Variants in AOAH observed in about 807,000 individuals in gnomAD.
AOAH encodes the protein acyloxyacyl hydrolase.
A neutral mutation model predicts 92.2 loss-of-function variants in AOAH; 64 were observed. The observed-to-expected ratio is 0.69, with a 90% confidence interval of 0.57 to 0.86. The LOEUF is 0.86. Ranked by LOEUF, AOAH falls within the 40% of genes least tolerant of loss-of-function variation. The pLI is 0.00. For missense variants in AOAH, 656 were observed against 694.6 expected (o/e 0.94, Z 0.62); for synonymous variants, 263 against 254.5 (o/e 1.03, Z -0.32).
At chr7:36,526,505 G>T (rs1428481719) in intron 19 of AOAH, among the ~76,000 whole-genome samples, 1 of 152,182 alleles carries the variant, frequency 6.6e-6, no homozygotes, top group Non-Finnish European at 1.5e-5. Flanking sequence ...TTCCTTGATT[G>T]ATTTTAGAGT....
At chr7:36,653,144 C>T (rs531490121) in intron 4 of AOAH, among the ~76,000 whole-genome samples, 9 of 152,216 alleles carry the variant, frequency 5.9e-5, no homozygotes, top group African/African-American at 1.7e-4. Flanking sequence ...TTGGGGGAGA[C>T]TAGACAATAA....
At chr7:36,624,057 TAGGG>T in intron 6 of AOAH, among the ~76,000 whole-genome samples, 1 of 152,366 alleles carries the variant, frequency 6.6e-6, no homozygotes, top group East Asian at 1.9e-4. Context: ...TTCATTTACA[TAGGG>T]CATACCCCAA....
chr7:36,549,621 T>C, intron 13 of AOAH, 146 bp from the exon 14 acceptor site: 1 of 589,646 alleles, frequency 1.7e-6, no homozygotes, highest in Non-Finnish European at 3.0e-6. Context: ...TGGAAATAAT[T>C]TTCTTCCAAT....
At chr7:36,606,231 C>T (rs530298865) in intron 11 of AOAH, among the ~76,000 whole-genome samples, 80 of 152,190 alleles carry the variant, frequency 5.3e-4, no homozygotes, top group Non-Finnish European at 1.0e-3. Flanking sequence ...GGTGAGTGAG[C>T]GTAGGGTGAC....
intron 11 of AOAH, among the ~76,000 whole-genome samples, chr7:36,603,404 T>A (rs535150191): frequency 6.6e-6 from 1 of 152,192 alleles, no homozygotes; most frequent in South Asian, 2.1e-4. Flanking sequence ...CAGACAAGGG[T>A]TGGTTACATC....
At chr7:36,567,386 G>A (rs1158766768) in intron 13 of AOAH, among the ~76,000 whole-genome samples, 2 of 152,192 alleles carry the variant, frequency 1.3e-5, no homozygotes, top group African/African-American at 4.8e-5. Flanking sequence ...ACAAGCTAAA[G>A]GACCTTGGGC....
intron 13 of AOAH, among the ~76,000 whole-genome samples, chr7:36,571,310 G>A (rs1788134606): frequency 6.6e-6 from 1 of 152,090 alleles, no homozygotes; most frequent in Non-Finnish European, 1.5e-5. Flanking sequence ...CAAAGGGAGG[G>A]CATTTTTTGC....
chr7:36,615,970 G>A (rs1329500667), intron 11 of AOAH, among the ~76,000 whole-genome samples: 1 of 151,520 alleles, frequency 6.6e-6, no homozygotes, highest in Admixed American at 6.6e-5. Context: ...GATGCCTTCC[G>A]TGGAGCACAG....
Position 36,532,316 on chromosome 7 carries a change from C to A in AOAH, c.1335G>T (p.Ala445=). 1 of 1,614,048 alleles carries A rather than the reference C, an allele frequency of 6.2e-7. No individual in the cohort carries two copies. The change falls in exon 17 of 21, where the codon GCG becomes GCT. Residue 445 remains alanine, a synonymous_variant. Transcript: ENST00000617537. ...GGCAGTTCAGGAAGGAGTACAACTG[C>A]GCATAGGTCATGTCTTTATTTAGCT... The part of the protein sequence containing the change: ...LGQLNKDMTY[A]QLYSFLNCLQ...
chr7:36,704,991 T>A (rs181265813), intron 1 of AOAH, among the ~76,000 whole-genome samples: 10 of 152,146 alleles, frequency 6.6e-5, no homozygotes, highest in African/African-American at 2.4e-4. Flanking sequence ...ATGGAGCATA[T>A]ATCAAAATAA....
intron 16 of AOAH, among the ~76,000 whole-genome samples, chr7:36,537,927 C>A (rs768119634): frequency 2.0e-4 from 30 of 151,720 alleles, no homozygotes; most frequent in Admixed American, 1.9e-3. Context: ...CAGAAGTGGA[C>A]AAATCCCCCA....
At chr7:36,683,515 C>T (rs942163281) in intron 2 of AOAH, among the ~76,000 whole-genome samples, 5 of 152,058 alleles carry the variant, frequency 3.3e-5, no homozygotes, top group East Asian at 1.9e-4. Flanking sequence ...TTTAACTGCT[C>T]ATAAGAATTA....
chr7:36,514,649 G>A (rs1222357083), intron 20 of AOAH: 4 of 1,221,402 alleles, frequency 3.3e-6, no homozygotes, highest in Non-Finnish European at 4.6e-6. Context: ...GACTCCAGAT[G>A]GCTCCATCTC....
At position 36,562,682 on chromosome 7, in the gene AOAH, C is replaced by T. The variant is rs891640832; in HGVS notation, c.1022-13207G>A. ...AAATGCATATTCAGAAACACCTTTA[C>T]GGAGTTGGTTTCCAAAGATCCTCCC... On this transcript the variant is annotated intron_variant, in intron 13 of 20. Transcript: ENST00000617537. 1.1e-4 allele frequency among the ~76,000 whole-genome samples: 17 copies of T among 152,224 alleles called. No homozygotes were observed. The South Asian group carries it at 1.5e-3, about 13-fold the overall frequency.
chr7:36,703,871 T>C (rs1439332180), intron 1 of AOAH, among the ~76,000 whole-genome samples: 1 of 152,196 alleles, frequency 6.6e-6, no homozygotes, highest in Non-Finnish European at 1.5e-5. Flanking sequence ...TTTAGATCCT[T>C]GAGGAATCGC....
chr7:36,665,628 T>A (rs1203535731), intron 3 of AOAH, among the ~76,000 whole-genome samples: 1 of 152,132 alleles, frequency 6.6e-6, no homozygotes, highest in Non-Finnish European at 1.5e-5. Context: ...CTCATACTAG[T>A]GGGAAAGCTT....
intron 16 of AOAH, among the ~76,000 whole-genome samples, chr7:36,536,366 C>T (rs565376021): frequency 1.3e-5 from 2 of 152,324 alleles, no homozygotes; most frequent in South Asian, 4.1e-4. Context: ...ATGGACCTCA[C>T]CCTCTTCCCC....
chr7:36,722,657 T>C (rs1041724017), intron 1 of AOAH, among the ~76,000 whole-genome samples: 2 of 151,700 alleles, frequency 1.3e-5, no homozygotes, highest in African/African-American at 2.4e-5. Context: ...CTTTGGAGGC[T>C]GGGCGCGGTG....
intron 6 of AOAH, among the ~76,000 whole-genome samples, chr7:36,628,687 C>T (rs1281577606): frequency 6.6e-6 from 1 of 152,168 alleles, no homozygotes; most frequent in Non-Finnish European, 1.5e-5. Flanking sequence ...GGTGGAGACA[C>T]CTCAAATGAA....
Sources: gnomAD v4.1 joint callset for allele counts (sites outside exome capture counted in the v4.1 genomes callset) on GRCh38, gnomAD v4.1.1 for gene constraint, MANE v1.5 for transcripts, NCBI Gene and HGNC (gene_info 2026-07-23, HGNC 2026-07-21) for gene names.